The following SIL1 variants were observed in gnomAD, a reference collection of about 807,000 sequenced individuals.
SIL1 encodes nucleotide exchange factor SIL1.
In SIL1, 40 loss-of-function variants were observed where a neutral mutation model predicts 49.1. The observed-to-expected ratio is 0.81, with a 90% confidence interval of 0.63 to 1.06. The LOEUF is 1.06. SIL1 is among the 50% of genes least tolerant of loss of function. The pLI is 0.00. For missense variants in SIL1, 500 were observed against 572.6 expected, an observed-to-expected ratio of 0.87 and a Z score of 1.29; for synonymous variants, 253 against 250.8, an observed-to-expected ratio of 1.01 and a Z score of -0.08.
chr5:139,159,642 A>G (rs1009161995), intron 1 of SIL1, among the ~76,000 whole-genome samples: 3 of 152,204 alleles, frequency 2.0e-5, no homozygotes, highest in African/African-American at 4.8e-5. Flanking sequence ...ATGAAGCAGG[A>G]CAAGTTCCTC....
chr5:139,190,855 G>A (rs1314659608), intron 1 of SIL1, among the ~76,000 whole-genome samples: 4 of 151,992 alleles, frequency 2.6e-5, no homozygotes. Flanking sequence ...TTAGCAGCTG[G>A]GTCCAAGGAT....
intron 3 of SIL1, among the ~76,000 whole-genome samples, chr5:139,078,114 C>T (rs1255188403): frequency 6.6e-6 from 1 of 152,118 alleles, no homozygotes; most frequent in East Asian, 1.9e-4. Context: ...TTGGTTACTG[C>T]ACACTTTTCT....
intron 3 of SIL1, among the ~76,000 whole-genome samples, chr5:139,072,746 A>C (rs536773729): frequency 1.3e-5 from 2 of 152,340 alleles, no homozygotes; most frequent in East Asian, 3.9e-4. Flanking sequence ...CTGCACAGCA[A>C]ATAAAACAAT....
chr5:139,057,984 T>C (rs951868917), intron 3 of SIL1, among the ~76,000 whole-genome samples: 3 of 152,212 alleles, frequency 2.0e-5, no homozygotes, highest in Admixed American at 6.5e-5. Flanking sequence ...GGCCCCACCT[T>C]CTAATACTAT....
At chr5:139,100,793 T>C (rs920561162) in intron 3 of SIL1, among the ~76,000 whole-genome samples, 1 of 152,016 alleles carries the variant, frequency 6.6e-6, no homozygotes, top group Non-Finnish European at 1.5e-5. Flanking sequence ...AGGGATAGAA[T>C]AGCCATTAAC....
intron 1 of SIL1, among the ~76,000 whole-genome samples, chr5:139,176,702 T>C (rs1038238172): frequency 6.6e-6 from 1 of 152,052 alleles, no homozygotes; most frequent in Non-Finnish European, 1.5e-5. Flanking sequence ...GGGCCTCTTT[T>C]ATAAGGGCAC....
chr5:138,949,865 G>GAAGC (rs1766726217), intron 9 of SIL1, among the ~76,000 whole-genome samples: 1 of 151,150 alleles, frequency 6.6e-6, no homozygotes. Context: ...CAAGAACAGA[G>GAAGC]AAGCCCTGAC....
chr5:139,188,669 G>A (rs115992616), intron 1 of SIL1, among the ~76,000 whole-genome samples: 1 of 152,370 alleles, frequency 6.6e-6, no homozygotes, highest in African/African-American at 2.4e-5. Context: ...GACCAGAAAT[G>A]AGCATACAAA....
intron 7 of SIL1, among the ~76,000 whole-genome samples, chr5:138,990,053 A>T (rs1034812261): frequency 1.3e-5 from 2 of 152,182 alleles, no homozygotes; most frequent in African/African-American, 4.8e-5. Flanking sequence ...ACAGGTAGGC[A>T]CCAGGGCTTG....
intron 2 of SIL1, among the ~76,000 whole-genome samples, chr5:139,121,799 GA>G (rs1750646194): frequency 6.6e-6 from 1 of 152,122 alleles, no homozygotes; most frequent in Admixed American, 6.5e-5. Flanking sequence ...GCTCAGGTTG[GA>G]AACCACTTCC....
chr5:139,074,167 G>A (rs144491331), intron 3 of SIL1, among the ~76,000 whole-genome samples: 104 of 152,128 alleles, frequency 6.8e-4, no homozygotes, highest in African/African-American at 2.0e-3. Flanking sequence ...AGAGATCCTC[G>A]CACCCCAGCC....
At chr5:139,170,971 G>A (rs1260092484) in intron 1 of SIL1, among the ~76,000 whole-genome samples, 49 of 145,878 alleles carry the variant, frequency 3.4e-4, no homozygotes, top group Admixed American at 1.8e-3. Flanking sequence ...TCCCCCGCCC[G>A]GCCAGCCGCC....
At position 138,947,244 on chromosome 5, in the gene SIL1, C is replaced by T; in HGVS notation, c.1259G>A (p.Arg420Lys). The T allele has an allele frequency of 6.2e-7, 1 of 1,613,534 alleles. No homozygotes were observed. The highest frequency in any genetic ancestry group is 8.5e-7 in the Non-Finnish European group (1 of 1,179,986). The change falls in exon 10 of 10, where the codon AGG (arginine) becomes AAG (lysine). Residue 420 changes from arginine (R) to lysine (K), a missense_variant. By Grantham distance (26) the Arg-to-Lys change is conservative (BLOSUM62 2). Transcript: ENST00000394817. The surrounding 1 kb of genome is among the most constrained non-coding windows in gnomAD (Gnocchi z 4.1). ...CTCAGCCTGCAGGCTGGCCAGTGTC[C>T]TGCCGAGCTGGGGGTCCTGACGGTA... Reference protein sequence around the residue: ...DRYRQDPQLGRTLASLQAEYQ... With the variant: ...DRYRQDPQLGKTLASLQAEYQ...
chr5:139,044,341 A>T (rs1331613621), intron 4 of SIL1, among the ~76,000 whole-genome samples: 2 of 151,964 alleles, frequency 1.3e-5, no homozygotes, highest in South Asian at 2.1e-4. Context: ...TGAACACATT[A>T]TCTCCTCCCT....
intron 7 of SIL1, among the ~76,000 whole-genome samples, chr5:138,956,774 G>C (rs1291170541): frequency 6.7e-6 from 1 of 150,058 alleles, no homozygotes; most frequent in African/African-American, 2.4e-5. Flanking sequence ...TTACCGAATT[G>C]AATAAAAATG....
chr5:139,177,526 C>G (rs1189506884), intron 1 of SIL1, among the ~76,000 whole-genome samples: 2 of 152,074 alleles, frequency 1.3e-5, no homozygotes, highest in East Asian at 3.9e-4. Flanking sequence ...GCATGAGCCA[C>G]CGCGCCCAGC....
intron 1 of SIL1, among the ~76,000 whole-genome samples, chr5:139,143,342 C>T (rs868422658): frequency 0.15 from 13,466 of 89,316 alleles, 867 homozygotes; most frequent in African/African-American, 0.24. Flanking sequence ...CACACACACA[C>T]ACATATATAT....
intron 4 of SIL1, among the ~76,000 whole-genome samples, chr5:139,044,577 G>A (rs1294235850): frequency 6.6e-6 from 1 of 152,148 alleles, no homozygotes; most frequent in East Asian, 1.9e-4. Context: ...ATTTTCCCAT[G>A]ATCAGCTCTA....
intron 1 of SIL1, among the ~76,000 whole-genome samples, chr5:139,172,418 G>C (rs1033997783): frequency 6.6e-6 from 1 of 152,182 alleles, no homozygotes; most frequent in Non-Finnish European, 1.5e-5. Context: ...CAAATCATGA[G>C]GTCAGGAGTT....
Sources: gnomAD v4.1 joint callset for allele counts (sites outside exome capture counted in the v4.1 genomes callset) on GRCh38, gnomAD v4.1.1 for gene constraint, Gnocchi (gnomAD v3.1) non-coding constraint, MANE v1.5 for transcripts, NCBI Gene and HGNC (gene_info 2026-07-23, HGNC 2026-07-21) for gene names.